Variants in GLIS3 observed in about 807,000 individuals in gnomAD.
GLIS3 encodes the protein GLIS family zinc finger 3, also known as zinc finger protein GLIS3.
A neutral mutation model predicts 78.6 loss-of-function variants in GLIS3; 53 were observed. That is an observed-to-expected ratio of 0.67 (90% CI 0.54 to 0.85). The LOEUF (loss-of-function observed/expected upper bound fraction) is 0.85. Among genes scored for constraint, GLIS3 ranks in the 40% least tolerant of loss-of-function variants. The pLI is 0.00. For missense variants in GLIS3, 1,703 were observed against 1,231.1 expected (o/e 1.38, Z -5.74); for synonymous variants, 684 against 509.9 (o/e 1.34, Z -4.60).
At chr9:4,431,057 T>C in the GLIS3 span, among the ~76,000 whole-genome samples, 3 of 152,200 alleles carry the variant, frequency 2.0e-5, no homozygotes, top group African/African-American at 7.2e-5. Context: ...CAACCAAGTA[T>C]ATGGATCAGA....
chr9:3,991,877 A>T (rs1444839591), intron 4 of GLIS3, among the ~76,000 whole-genome samples: 2 of 151,766 alleles, frequency 1.3e-5, no homozygotes, highest in Admixed American at 1.3e-4. Flanking sequence ...TTTTTAGTAG[A>T]GACGGGGTTT....
chr9:4,148,591 G>A (rs1834411859), intron 2 of GLIS3, among the ~76,000 whole-genome samples: 1 of 151,684 alleles, frequency 6.6e-6, no homozygotes, highest in Admixed American at 6.6e-5. Flanking sequence ...ATGAGGACAG[G>A]GACTGTACCT....
At chr9:4,425,813 G>A in the GLIS3 span, among the ~76,000 whole-genome samples, 59 of 152,284 alleles carry the variant, frequency 3.9e-4, no homozygotes, top group African/African-American at 1.3e-3. Flanking sequence ...CTCCACTGAT[G>A]CACAGCGGTG....
chr9:4,405,171 A>G, the GLIS3 span, among the ~76,000 whole-genome samples: 1 of 152,086 alleles, frequency 6.6e-6, no homozygotes, highest in Non-Finnish European at 1.5e-5. Flanking sequence ...CCTGACCAAC[A>G]TGGAGAAATC....
rs73643720 is a variant in GLIS3, at chr9:4,256,047, A to T, written c.388+29991T>A. On this transcript the variant is annotated intron_variant, in intron 2 of 10. Transcript: ENST00000381971. Reference sequence around the variant, plus strand: ...TAAAAACTAAGTCTATTTTTTTTTTAAAAAAGGATAACAAACTTGCCCAAG... The same window carrying T: ...TAAAAACTAAGTCTATTTTTTTTTTTAAAAAGGATAACAAACTTGCCCAAG... Among the ~76,000 whole-genome samples, 811 of 151,844 alleles carry T rather than the reference A, an allele frequency of 5.3e-3. 10 individuals are homozygous for T. The highest frequency in any genetic ancestry group is 0.018 in the African/African-American group (754 of 41,418).
intron 9 of GLIS3, among the ~76,000 whole-genome samples, chr9:3,833,202 G>A (rs892554090): frequency 6.6e-6 from 1 of 152,146 alleles, no homozygotes; most frequent in Non-Finnish European, 1.5e-5. Context: ...GGCCCCACAA[G>A]CATGTTTTAT....
rs371791893 is a variant in GLIS3, at chr9:4,193,897, G to A, written c.389-67956C>T. 1.0e-3 allele frequency among the ~76,000 whole-genome samples: 152 copies of A among 152,298 alleles called. 1 individual carries two copies. Among genetic ancestry groups the A allele is most frequent in the African/African-American group, 3.4e-3 (141 of 41,554 alleles). On this transcript the variant is annotated intron_variant, in intron 2 of 10. Transcript: ENST00000381971. Reference sequence around the variant, plus strand: ...TATGGACTTTGTTTCCCTGGCTGACGAATGAACATTTTGACCAATCATGTG... The same window carrying A: ...TATGGACTTTGTTTCCCTGGCTGACAAATGAACATTTTGACCAATCATGTG...
At chr9:4,420,703 A>AT in the GLIS3 span, among the ~76,000 whole-genome samples, 4 of 152,108 alleles carry the variant, frequency 2.6e-5, no homozygotes, top group African/African-American at 9.7e-5. Context: ...GTACTAGTCC[A>AT]TTTTTGCATT....
the GLIS3 span, among the ~76,000 whole-genome samples, chr9:4,449,195 G>A: frequency 1.8e-4 from 28 of 152,180 alleles, no homozygotes; most frequent in African/African-American, 6.8e-4. Context: ...CGGATCCCAA[G>A]CCCACAGAAC....
intron 4 of GLIS3, among the ~76,000 whole-genome samples, chr9:4,069,992 T>G (rs961359810): frequency 2.6e-5 from 4 of 152,052 alleles, no homozygotes; most frequent in Admixed American, 2.6e-4. Context: ...CCAGGGAACA[T>G]GGCCTATGGT....
intron 2 of GLIS3, among the ~76,000 whole-genome samples, chr9:4,140,800 A>AT (rs1554713738): frequency 2.8e-4 from 2 of 7,056 alleles, no homozygotes; most frequent in Admixed American, 2.7e-3. Flanking sequence ...GTTTGAATTT[A>AT]TCTTTTTTTT....
At chr9:4,216,396 T>C (rs1820842682) in intron 2 of GLIS3, among the ~76,000 whole-genome samples, 1 of 138,978 alleles carries the variant, frequency 7.2e-6, no homozygotes, top group Non-Finnish European at 1.6e-5. Context: ...TGGCGTGAGC[T>C]TGCAGTGAGA....
At chr9:3,891,005 T>G (rs1209410182) in intron 7 of GLIS3, among the ~76,000 whole-genome samples, 1 of 151,318 alleles carries the variant, frequency 6.6e-6, no homozygotes, top group African/African-American at 2.4e-5. Context: ...TTTCTTTTAT[T>G]CTACTGAGTG....
the GLIS3 span, among the ~76,000 whole-genome samples, chr9:4,369,605 A>T: frequency 6.6e-6 from 1 of 152,166 alleles, no homozygotes. Flanking sequence ...CCCTGGCTGT[A>T]GGCCCTTGTG....
the GLIS3 span, among the ~76,000 whole-genome samples, chr9:4,362,588 T>C: frequency 2.0e-5 from 3 of 152,346 alleles, no homozygotes; most frequent in African/African-American, 4.8e-5. Context: ...CTCATGGTCA[T>C]GTGTTTGCTG....
At chr9:4,478,427 A>C in the GLIS3 span, among the ~76,000 whole-genome samples, 1 of 152,158 alleles carries the variant, frequency 6.6e-6, no homozygotes, top group Non-Finnish European at 1.5e-5. Flanking sequence ...TCTGGCCAAC[A>C]TGGTGAAACC....
At chr9:3,971,511 G>C (rs1180113364) in intron 4 of GLIS3, among the ~76,000 whole-genome samples, 1 of 152,164 alleles carries the variant, frequency 6.6e-6, no homozygotes, top group Non-Finnish European at 1.5e-5. Context: ...GAGAAGAAGA[G>C]AGAAAGGGAA....
chr9:4,156,665 T>G (rs868802943), intron 2 of GLIS3, among the ~76,000 whole-genome samples: 2 of 152,198 alleles, frequency 1.3e-5, no homozygotes, highest in African/African-American at 4.8e-5. Context: ...TTTCACCCCA[T>G]TAAAATTTAC....
At chr9:4,263,670 C>T (rs1325834901) in intron 2 of GLIS3, among the ~76,000 whole-genome samples, 1 of 152,184 alleles carries the variant, frequency 6.6e-6, no homozygotes, top group Non-Finnish European at 1.5e-5. Context: ...CCTTTGAACT[C>T]CTGTCAAGGT....
Sources: gnomAD v4.1 joint callset for allele counts (sites outside exome capture counted in the v4.1 genomes callset) on GRCh38, gnomAD v4.1.1 for gene constraint, MANE v1.5 for transcripts, NCBI Gene and HGNC (gene_info 2026-07-23, HGNC 2026-07-21) for gene names.